EPHA4: variants seen among roughly 807,000 people sequenced by gnomAD.
EPHA4 encodes EPH receptor A4.
EPHA4 carries 19 observed loss-of-function variants against 108.3 expected under a neutral mutation model. That is an observed-to-expected ratio of 0.18 (90% CI 0.12 to 0.26). The LOEUF (loss-of-function observed/expected upper bound fraction) is 0.26, where lower values mean the gene tolerates loss of function less well. Among genes scored for constraint, EPHA4 ranks in the 10% least tolerant of loss-of-function variants. The probability of loss-of-function intolerance (pLI) is 1.00; values close to 1 mark genes in which losing one functional copy is unlikely to be tolerated. For missense variants in EPHA4, 917 were observed against 1,254.0 expected (o/e 0.73, Z 4.06); for synonymous variants, 449 against 455.5 (o/e 0.99, Z 0.18).
At chr2:221,530,900 C>A (rs56874449) in intron 3 of EPHA4, among the ~76,000 whole-genome samples, 1 of 152,098 alleles carries the variant, frequency 6.6e-6, no homozygotes, top group Non-Finnish European at 1.5e-5. Flanking sequence ...ACCACCTCCC[C>A]CTCCAAGTAC....
chr2:221,462,779 A>G (rs182166807), intron 5 of EPHA4, among the ~76,000 whole-genome samples: 1 of 152,356 alleles, frequency 6.6e-6, no homozygotes, highest in Non-Finnish European at 1.5e-5. Context: ...CACAGGCTGT[A>G]AAATGTCATT....
chr2:221,482,816 G>A, intron 4 of EPHA4, 126 bp from the exon 5 acceptor site: 1 of 760,936 alleles, frequency 1.3e-6, no homozygotes, highest in South Asian at 2.0e-5. Context: ...AAAGCAAAAA[G>A]CAAATCAAGC....
At chr2:221,464,864 C>T (rs1041506414) in intron 5 of EPHA4, among the ~76,000 whole-genome samples, 2 of 152,092 alleles carry the variant, frequency 1.3e-5, no homozygotes, top group Non-Finnish European at 2.9e-5. Context: ...GCAAAAGGTA[C>T]AGAAAAACAA....
At chr2:221,519,644 C>T (rs1404155085) in intron 3 of EPHA4, among the ~76,000 whole-genome samples, 1 of 152,200 alleles carries the variant, frequency 6.6e-6, no homozygotes, top group Non-Finnish European at 1.5e-5. Context: ...TTTGCAACAA[C>T]CAACCTAATG....
intron 8 of EPHA4, among the ~76,000 whole-genome samples, chr2:221,455,160 A>T (rs1284654353): frequency 6.6e-6 from 1 of 152,204 alleles, no homozygotes; most frequent in Non-Finnish European, 1.5e-5. Flanking sequence ...AGGTTTATGT[A>T]GTAGTAGCTG....
At chr2:221,552,496 G>C (rs998720536) in intron 3 of EPHA4, among the ~76,000 whole-genome samples, 1 of 152,146 alleles carries the variant, frequency 6.6e-6, no homozygotes, top group Non-Finnish European at 1.5e-5. Flanking sequence ...GCCTCCTAGG[G>C]TTCTTCAAAA....
intron 1 of EPHA4, among the ~76,000 whole-genome samples, chr2:221,570,516 G>GA (rs1319383610): frequency 6.6e-6 from 1 of 152,112 alleles, no homozygotes; most frequent in African/African-American, 2.4e-5. Context: ...AGAACCACCA[G>GA]AAGCCACGTC....
At chr2:221,503,481 A>C (rs892536929) in intron 3 of EPHA4, among the ~76,000 whole-genome samples, 2 of 152,244 alleles carry the variant, frequency 1.3e-5, no homozygotes, top group East Asian at 1.9e-4. Context: ...AATTTCTTAC[A>C]GTGCAAAAAC....
At chr2:221,485,278 G>A (rs1691944882) in intron 4 of EPHA4, among the ~76,000 whole-genome samples, 1 of 152,006 alleles carries the variant, frequency 6.6e-6, no homozygotes, top group African/African-American at 2.4e-5. Flanking sequence ...GCACTTCCAC[G>A]TGGAAAAAAA....
chr2:221,561,242 A>AAAAT (rs61027528), intron 3 of EPHA4, among the ~76,000 whole-genome samples: 6,787 of 151,018 alleles, frequency 0.045, 443 homozygotes, highest in African/African-American at 0.15. Context: ...ACTCCATCTC[A>AAAAT]AAATAAATAA....
intron 4 of EPHA4, among the ~76,000 whole-genome samples, chr2:221,485,210 G>A (rs1246948370): frequency 1.3e-5 from 2 of 152,184 alleles, no homozygotes; most frequent in African/African-American, 2.4e-5. Flanking sequence ...GCACGGCAGT[G>A]TCTAAACAGA....
intron 14 of EPHA4, among the ~76,000 whole-genome samples, chr2:221,433,146 A>T (rs948037217): frequency 1.3e-5 from 2 of 152,152 alleles, no homozygotes; most frequent in Non-Finnish European, 2.9e-5. Context: ...TCTTTAATTG[A>T]TAAGGCAACC....
chr2:221,431,586 T>C (rs1442545177), intron 14 of EPHA4, among the ~76,000 whole-genome samples: 1 of 152,218 alleles, frequency 6.6e-6, no homozygotes, highest in Non-Finnish European at 1.5e-5. Flanking sequence ...TATTTGTTTC[T>C]AGCAATTACA....
intron 5 of EPHA4, among the ~76,000 whole-genome samples, chr2:221,460,752 T>A (rs1369221332): frequency 6.6e-6 from 1 of 152,158 alleles, no homozygotes. Flanking sequence ...CACCCTACTG[T>A]GTGTGCCTGC....
chr2:221,572,476 G>A, upstream of EPHA4: 1 of 328,854 alleles, frequency 3.0e-6, no homozygotes, highest in Non-Finnish European at 5.4e-6. Flanking sequence ...GCTCCACGGG[G>A]CGCGCGGTCT....
intron 3 of EPHA4, among the ~76,000 whole-genome samples, chr2:221,543,516 C>T (rs1225931620): frequency 2.0e-5 from 3 of 152,086 alleles, no homozygotes; most frequent in Non-Finnish European, 4.4e-5. Flanking sequence ...AATTAATTTG[C>T]GATTTTTTAC....
At chr2:221,461,756 T>C (rs1691151297) in intron 5 of EPHA4, among the ~76,000 whole-genome samples, 1 of 152,154 alleles carries the variant, frequency 6.6e-6, no homozygotes, top group Admixed American at 6.6e-5. Context: ...ATTTTTATAG[T>C]AGTCTTAAAG....
At chr2:221,541,949 A>G (rs1334938540) in intron 3 of EPHA4, among the ~76,000 whole-genome samples, 1 of 152,240 alleles carries the variant, frequency 6.6e-6, no homozygotes, top group Non-Finnish European at 1.5e-5. Flanking sequence ...CATAAATAAA[A>G]TAAATAGAAA....
At chr2:221,555,132 G>A (rs984711595) in intron 3 of EPHA4, among the ~76,000 whole-genome samples, 1 of 152,124 alleles carries the variant, frequency 6.6e-6, no homozygotes, top group African/African-American at 2.4e-5. Flanking sequence ...TTTTGCATGG[G>A]GCAGGGGGGC....
Sources: gnomAD v4.1 joint callset for allele counts (sites outside exome capture counted in the v4.1 genomes callset) on GRCh38, gnomAD v4.1.1 for gene constraint, MANE v1.5 for transcripts, NCBI Gene and HGNC (gene_info 2026-07-23, HGNC 2026-07-21) for gene names.